EPHA7: variants seen among roughly 807,000 people sequenced by gnomAD.
The protein encoded by EPHA7 is ephrin type-A receptor 7.
EPHA7 carries 25 observed loss-of-function variants against 112.6 expected under a neutral mutation model. That is an observed-to-expected ratio of 0.22 (90% confidence interval 0.16 to 0.31). The LOEUF is 0.31. Among genes scored for constraint, EPHA7 ranks in the 10% least tolerant of loss-of-function variants. The pLI, the probability that EPHA7 is intolerant of heterozygous loss-of-function variation, is 1.00. For synonymous variants in EPHA7, 437 were observed against 406.5 expected (o/e 1.07, Z -0.90); for missense variants, 962 against 1,212.6 (o/e 0.79, Z 3.07).
At chr6:93,269,340 T>G in intron 7 of EPHA7, 137 bp downstream of exon 7, 2 of 614,822 alleles carry the variant, frequency 3.3e-6, no homozygotes, top group Non-Finnish European at 5.0e-6. Flanking sequence ...TTTTACAAAG[T>G]ACATTTATAT....
chr6:93,387,835 C>T (rs1777691049), intron 3 of EPHA7, among the ~76,000 whole-genome samples: 1 of 152,038 alleles, frequency 6.6e-6, no homozygotes. Flanking sequence ...AATCAACTTG[C>T]ATGAGGTCCC....
chr6:93,382,694 T>G (rs866804261), intron 3 of EPHA7, among the ~76,000 whole-genome samples: 4 of 152,114 alleles, frequency 2.6e-5, no homozygotes, highest in Non-Finnish European at 4.4e-5. Flanking sequence ...CACCACTGTT[T>G]AAGCGATACA....
At chr6:93,304,878 G>T (rs1399032134) in intron 5 of EPHA7, among the ~76,000 whole-genome samples, 1 of 152,004 alleles carries the variant, frequency 6.6e-6, no homozygotes, top group African/African-American at 2.4e-5. Flanking sequence ...TCTTTCCTTA[G>T]ATATGTACAT....
At chr6:93,357,353 C>T (rs1335691300) in intron 4 of EPHA7, among the ~76,000 whole-genome samples, 1 of 152,032 alleles carries the variant, frequency 6.6e-6, no homozygotes, top group African/African-American at 2.4e-5. Flanking sequence ...ATTTTTCTTC[C>T]AAGCAATTAA....
chr6:93,357,917 C>G (rs1319592411), intron 4 of EPHA7, among the ~76,000 whole-genome samples: 2 of 152,070 alleles, frequency 1.3e-5, no homozygotes, highest in African/African-American at 2.4e-5. Context: ...GCCTTGGCCT[C>G]CCAAAGTGCT....
chr6:93,275,763 T>C (rs1771441462), intron 5 of EPHA7, among the ~76,000 whole-genome samples: 1 of 152,016 alleles, frequency 6.6e-6, no homozygotes, highest in South Asian at 2.1e-4. Context: ...AGTATAAGGC[T>C]TTAAATTGAA....
At chr6:93,415,946 T>A (rs1488521567) in intron 1 of EPHA7, among the ~76,000 whole-genome samples, 1 of 152,158 alleles carries the variant, frequency 6.6e-6, no homozygotes, top group Non-Finnish European at 1.5e-5. Flanking sequence ...AAGGAACAGT[T>A]GATTATGTGT....
intron 3 of EPHA7, among the ~76,000 whole-genome samples, chr6:93,368,382 G>A (rs1450667497): frequency 6.6e-6 from 1 of 152,032 alleles, no homozygotes; most frequent in Non-Finnish European, 1.5e-5. Flanking sequence ...CAGGAAGTGT[G>A]CAGGGACACA....
At chr6:93,337,434 GA>G (rs1582547805) in intron 5 of EPHA7, among the ~76,000 whole-genome samples, 1 of 152,030 alleles carries the variant, frequency 6.6e-6, no homozygotes, top group East Asian at 1.9e-4. Context: ...TCTACCCTTA[GA>G]AAAAAAGTAC....
At chr6:93,379,384 C>T (rs545211362) in intron 3 of EPHA7, among the ~76,000 whole-genome samples, 1 of 151,978 alleles carries the variant, frequency 6.6e-6, no homozygotes, top group East Asian at 1.9e-4. Context: ...GGGCATTTTG[C>T]TATTATGAAA....
intron 3 of EPHA7, 145 bp from the exon 4 acceptor site, chr6:93,358,556 T>C: frequency 3.1e-6 from 2 of 642,962 alleles, no homozygotes; most frequent in Non-Finnish European, 4.9e-6. Context: ...TTTTAGGGTA[T>C]TTCACTAGCC....
chr6:93,275,720 G>A (rs1771439132), intron 5 of EPHA7, among the ~76,000 whole-genome samples: 1 of 151,868 alleles, frequency 6.6e-6, no homozygotes. Context: ...TCTAATGACA[G>A]GCACAAAAGT....
chr6:93,380,788 C>G (rs2127970624), intron 3 of EPHA7, among the ~76,000 whole-genome samples: 1 of 152,226 alleles, frequency 6.6e-6, no homozygotes, highest in East Asian at 1.9e-4. Flanking sequence ...TAGCAGATAA[C>G]TTTCCACCCA....
intron 3 of EPHA7, among the ~76,000 whole-genome samples, chr6:93,395,568 A>C (rs892661023): frequency 7.7e-6 from 1 of 129,094 alleles, no homozygotes; most frequent in Non-Finnish European, 1.6e-5. Context: ...ATATATCTTT[A>C]CTTATTTCAC....
intron 3 of EPHA7, among the ~76,000 whole-genome samples, chr6:93,408,106 G>C (rs1188173106): frequency 6.6e-6 from 1 of 151,374 alleles, no homozygotes; most frequent in Non-Finnish European, 1.5e-5. Context: ...TAAAACACAG[G>C]GCCTTTAATG....
At chr6:93,414,845 T>C in intron 1 of EPHA7, 78 bp from the exon 2 acceptor site, 3 of 1,098,266 alleles carry the variant, frequency 2.7e-6, no homozygotes, top group Non-Finnish European at 4.1e-6. Context: ...GGTGAATCTT[T>C]TCATATAACT....
At chr6:93,285,205 G>A (rs962512757) in intron 5 of EPHA7, among the ~76,000 whole-genome samples, 2 of 152,060 alleles carry the variant, frequency 1.3e-5, no homozygotes, top group African/African-American at 4.8e-5. Context: ...GATTAGCTTT[G>A]CAACTTCTAT....
chr6:93,314,334 A>T (rs569025483), intron 5 of EPHA7, among the ~76,000 whole-genome samples: 318 of 152,332 alleles, frequency 2.1e-3, no homozygotes, highest in Non-Finnish European at 3.9e-3. Flanking sequence ...TTTAACTAGC[A>T]TAGTAATCAT....
chr6:93,401,283 C>T (rs997798963), intron 3 of EPHA7, among the ~76,000 whole-genome samples: 1 of 151,984 alleles, frequency 6.6e-6, no homozygotes, highest in Non-Finnish European at 1.5e-5. Flanking sequence ...CTATTACATC[C>T]CAGAGTGCAT....
Sources: gnomAD v4.1 joint callset for allele counts (sites outside exome capture counted in the v4.1 genomes callset) on GRCh38, gnomAD v4.1.1 for gene constraint, MANE v1.5 for transcripts, NCBI Gene and HGNC (gene_info 2026-07-23, HGNC 2026-07-21) for gene names.